The following HIVEP1 variants were observed in gnomAD, a reference collection of about 807,000 sequenced individuals.
HIVEP1 encodes zinc finger protein 40.
A neutral mutation model predicts 180.0 loss-of-function variants in HIVEP1; 36 were observed. The ratio of observed to expected loss-of-function variants is 0.20; its 90% CI spans 0.15 to 0.26. HIVEP1 has a LOEUF of 0.26. HIVEP1 is among the 10% of genes least tolerant of loss of function. The probability of loss-of-function intolerance (pLI) is 1.00; values close to 1 mark genes in which losing one functional copy is unlikely to be tolerated. For missense variants in HIVEP1, 3,143 were observed against 3,268.7 expected (o/e 0.96, Z 0.94); for synonymous variants, 1,239 against 1,239.0 (o/e 1.00, Z 0.00).
chr6:12,079,549 C>T (rs906904198), intron 2 of HIVEP1, among the ~76,000 whole-genome samples: 2 of 152,092 alleles, frequency 1.3e-5, no homozygotes, highest in Non-Finnish European at 2.9e-5. Context: ...AATATTGCTT[C>T]GAAGAGCTGG....
chr6:12,154,933 G>A (rs1759933803), intron 7 of HIVEP1, among the ~76,000 whole-genome samples: 2 of 151,990 alleles, frequency 1.3e-5, no homozygotes, highest in African/African-American at 4.8e-5. Context: ...TAAGAACCCA[G>A]CTTTTGGTTT....
chr6:12,057,412 T>G (rs1204399510), intron 2 of HIVEP1, among the ~76,000 whole-genome samples: 2 of 152,326 alleles, frequency 1.3e-5, no homozygotes, highest in East Asian at 3.9e-4. Flanking sequence ...TCTAGATACT[T>G]AGAAAAAATG....
chr6:12,010,970 C>T (rs1331362810), upstream of HIVEP1, among the ~76,000 whole-genome samples: 2 of 152,130 alleles, frequency 1.3e-5, no homozygotes, highest in African/African-American at 4.8e-5. Flanking sequence ...CCGGGTTGGC[C>T]CTATAAGCTG....
chr6:12,163,574 G>A lies in HIVEP1; in HGVS notation c.7270G>A (p.Val2424Met). The A allele has an allele frequency of 6.2e-7, 1 of 1,614,236 alleles. No homozygotes were observed. The highest frequency in any genetic ancestry group is 1.1e-5 in the South Asian group (1 of 91,086). The change falls in exon 9 of 9, where the codon GTG (valine) becomes ATG (methionine). Residue 2424 changes from valine (V) to methionine (M), a missense_variant. By Grantham distance (21) the Val-to-Met change is conservative. Around this residue, in one of 12 missense-constraint regions of HIVEP1, gnomAD observed 595 missense variants for 602.2 expected, o/e 0.99. Transcript: ENST00000379388. ...GTTTGTGCCCCTTCAGGCTGGACCAGTGCAGCTCACGATCCCTGCTGTCAG... is the reference window on the plus strand; with the variant it reads ...GTTTGTGCCCCTTCAGGCTGGACCAATGCAGCTCACGATCCCTGCTGTCAG... Reference protein sequence around the residue: ...STFVPLQAGPVQLTIPAVSVV... With the variant: ...STFVPLQAGPMQLTIPAVSVV...
intron 2 of HIVEP1, among the ~76,000 whole-genome samples, chr6:12,065,723 G>C (rs1324613353): frequency 6.6e-6 from 1 of 150,562 alleles, no homozygotes; most frequent in Non-Finnish European, 1.5e-5. Flanking sequence ...GCATTGAATG[G>C]TTGTTACAAT....
chr6:12,031,724 CT>C (rs1173917268), intron 2 of HIVEP1, among the ~76,000 whole-genome samples: 9 of 152,212 alleles, frequency 5.9e-5, no homozygotes, highest in Non-Finnish European at 1.2e-4. Flanking sequence ...AGAAATGCCC[CT>C]CCACGTGTAT....
intron 7 of HIVEP1, among the ~76,000 whole-genome samples, chr6:12,147,053 C>A (rs1462007923): frequency 6.6e-6 from 1 of 152,124 alleles, no homozygotes. Flanking sequence ...TGACCGAAGA[C>A]ACACAGGTTG....
At chr6:12,129,107 G>A (rs553855305) in intron 4 of HIVEP1, among the ~76,000 whole-genome samples, 2 of 152,292 alleles carry the variant, frequency 1.3e-5, no homozygotes, top group East Asian at 3.9e-4. Flanking sequence ...CTACTCAGGA[G>A]GCTGAGGTGG....
chr6:12,167,574 A>T (rs1760736860), downstream of HIVEP1, among the ~76,000 whole-genome samples: 2 of 10,044 alleles, frequency 2.0e-4, 1 homozygote, highest in Non-Finnish European at 5.3e-4. Flanking sequence ...CATGCATGTT[A>T]TATATACGTT....
At position 12,120,092 on chromosome 6, in the gene HIVEP1, T is replaced by C. The variant is rs751468550; in HGVS notation, c.297T>C (p.Tyr99=). The part of the protein sequence containing the change: ...SASESHKKQN[Y]IPVKNGKQFT... Reference sequence around the variant, plus strand: ...CGGAGTCTCACAAGAAACAGAATTATATTCCTGTAAAAAATGGGAAGCAGT... The same window carrying C: ...CGGAGTCTCACAAGAAACAGAATTACATTCCTGTAAAAAATGGGAAGCAGT... Residue 99 remains tyrosine, a synonymous_variant, in exon 4 of 9, where the codon TAT becomes TAC. Coordinates refer to ENST00000379388, the MANE Select transcript of HIVEP1 (RefSeq NM_002114.4). 5.6e-6 allele frequency: 9 copies of C among 1,613,312 alleles called. No individual in the cohort carries two copies. The highest frequency in any genetic ancestry group is 3.3e-5 in the Admixed American group (2 of 59,822).
At chr6:12,202,094 C>A in the HIVEP1 span, among the ~76,000 whole-genome samples, 59 of 152,094 alleles carry the variant, frequency 3.9e-4, no homozygotes, top group Non-Finnish European at 5.4e-4. Flanking sequence ...TTAAATACTA[C>A]ATAGGACAAA....
At chr6:12,134,716 G>A (rs1758612136) in intron 6 of HIVEP1, among the ~76,000 whole-genome samples, 1 of 152,176 alleles carries the variant, frequency 6.6e-6, no homozygotes, top group African/African-American at 2.4e-5. Context: ...GTTATCCTCA[G>A]AAGAATATGA....
intron 2 of HIVEP1, among the ~76,000 whole-genome samples, chr6:12,057,811 GA>G (rs1193006899): frequency 6.6e-6 from 1 of 152,180 alleles, no homozygotes; most frequent in African/African-American, 2.4e-5. Context: ...TGGACAATGG[GA>G]GGGGAGTCAG....
At chr6:12,068,948 G>A (rs1380871884) in intron 2 of HIVEP1, among the ~76,000 whole-genome samples, 1 of 152,038 alleles carries the variant, frequency 6.6e-6, no homozygotes, top group Non-Finnish European at 1.5e-5. Flanking sequence ...CCAATTTCTT[G>A]TCACTTTCCC....
At chr6:12,015,353 G>C (rs928452617) in intron 1 of HIVEP1, among the ~76,000 whole-genome samples, 173 bp from the exon 2 acceptor site, 3 of 152,056 alleles carry the variant, frequency 2.0e-5, no homozygotes, top group African/African-American at 7.2e-5. Context: ...GAGAAGTCCC[G>C]ATACTGACAA....
the HIVEP1 span, among the ~76,000 whole-genome samples, chr6:12,195,481 T>TA: frequency 2.0e-5 from 3 of 152,116 alleles, no homozygotes; most frequent in Non-Finnish European, 2.9e-5. Flanking sequence ...ATGGATTAAT[T>TA]AAAAAAACAA....
chr6:12,185,457 G>C, the HIVEP1 span, among the ~76,000 whole-genome samples: 1 of 152,214 alleles, frequency 6.6e-6, no homozygotes, highest in Admixed American at 6.5e-5. Flanking sequence ...AAGAGGCTCT[G>C]AGTTGAACTG....
the HIVEP1 span, among the ~76,000 whole-genome samples, chr6:12,175,716 A>G: frequency 6.6e-6 from 1 of 152,258 alleles, no homozygotes; most frequent in African/African-American, 2.4e-5. Flanking sequence ...CATCTCTGAC[A>G]GCTTATGTGA....
intron 2 of HIVEP1, among the ~76,000 whole-genome samples, chr6:12,085,200 A>G (rs1490908889): frequency 2.6e-5 from 4 of 152,132 alleles, no homozygotes; most frequent in African/African-American, 7.2e-5. Flanking sequence ...TCTGTGCACA[A>G]CGTTTACTGG....
Sources: gnomAD v4.1 joint callset for allele counts (sites outside exome capture counted in the v4.1 genomes callset) on GRCh38, gnomAD v4.1.1 for gene constraint, gnomAD v4.1.1 regional missense constraint, MANE v1.5 for transcripts, NCBI Gene and HGNC (gene_info 2026-07-23, HGNC 2026-07-21) for gene names.